LYN: variants seen among roughly 807,000 people sequenced by gnomAD.
The protein encoded by LYN is LYN proto-oncogene, Src family tyrosine kinase, also known as tyrosine-protein kinase Lyn.
In LYN, 12 loss-of-function variants were observed where a neutral mutation model predicts 65.0. That is an observed-to-expected ratio of 0.18 (90% CI 0.12 to 0.30). The LOEUF (loss-of-function observed/expected upper bound fraction) is 0.30, where lower values mean the gene tolerates loss of function less well. Ranked by LOEUF, LYN falls within the 10% of genes least tolerant of loss-of-function variation. LYN has a pLI of 1.00. For synonymous variants in LYN, 222 were observed against 221.2 expected, an observed-to-expected ratio of 1.00 and a Z score of -0.03; for missense variants, 380 against 623.2, an observed-to-expected ratio of 0.61 and a Z score of 4.16.
At chr8:55,959,980 A>G (rs1444909483) in intron 8 of LYN, among the ~76,000 whole-genome samples, 1 of 152,220 alleles carries the variant, frequency 6.6e-6, no homozygotes, top group East Asian at 1.9e-4. Context: ...TAGAGTTAGA[A>G]AGTAGATGAC....
At chr8:55,957,892 G>A (rs1198336099) in intron 8 of LYN, among the ~76,000 whole-genome samples, 1 of 152,206 alleles carries the variant, frequency 6.6e-6, no homozygotes, top group Non-Finnish European at 1.5e-5. Context: ...AGGTTGCAGT[G>A]AGCTGAGATT....
At chr8:56,003,050 T>G (rs964012385) in intron 12 of LYN, among the ~76,000 whole-genome samples, 2 of 150,874 alleles carry the variant, frequency 1.3e-5, no homozygotes, top group Non-Finnish European at 2.9e-5. Flanking sequence ...GCTGGCTATG[T>G]TTTTGTTTTT....
chr8:55,942,367 GTGTATATATATGTGTATATATATA>G lies in LYN; in HGVS notation c.132+380_132+403del, dbSNP rs1806643326. On this transcript the variant is annotated intron_variant, in intron 2 of 12. Coordinates refer to ENST00000519728, the MANE Select transcript of LYN (RefSeq NM_002350.4). ...TGTGTATATATATGTGTATATATAT[GTGTATATATATGTGTATATATATA>G]TGTGTATATATGTGTATATATATGT... Among the ~76,000 whole-genome samples the G allele has an allele frequency of 2.2e-5, 3 of 139,426 alleles. No homozygotes were observed. The Admixed American group carries it at 2.2e-4, about 10-fold the overall frequency. 91.5% of individuals were successfully genotyped at this position (139,426 alleles called of 152,430 possible). A position where few individuals can be genotyped will look rare whatever the true frequency, so the allele number is the denominator to read the frequency against.
chr8:55,940,918 C>T (rs902960268), intron 1 of LYN, among the ~76,000 whole-genome samples: 6 of 152,126 alleles, frequency 3.9e-5, no homozygotes, highest in African/African-American at 9.7e-5. Context: ...GCATGGCTTG[C>T]GGAGACCGTC....
At chr8:55,984,248 G>T (rs1301084160) in intron 10 of LYN, among the ~76,000 whole-genome samples, 1 of 152,070 alleles carries the variant, frequency 6.6e-6, no homozygotes, top group Non-Finnish European at 1.5e-5. Flanking sequence ...GTTTTGGGGG[G>T]ACATTAGTTA....
chr8:55,942,419 GTATA>G (rs201314597), intron 2 of LYN, among the ~76,000 whole-genome samples: 6 of 131,162 alleles, frequency 4.6e-5, no homozygotes, highest in Non-Finnish European at 6.5e-5. Flanking sequence ...ATATATGTGT[GTATA>G]TATATATATG....
intron 12 of LYN, among the ~76,000 whole-genome samples, chr8:56,002,372 T>A (rs1376367392): frequency 6.6e-6 from 1 of 151,334 alleles, no homozygotes; most frequent in Middle Eastern, 3.4e-3. Context: ...TGAGCTGAGA[T>A]CGCGCCACTG....
intron 7 of LYN, among the ~76,000 whole-genome samples, chr8:55,952,403 A>G (rs1203513561): frequency 6.6e-6 from 1 of 151,994 alleles, no homozygotes; most frequent in Non-Finnish European, 1.5e-5. Flanking sequence ...TACTAGAAAA[A>G]AAAAAAATTA....
chr8:55,952,844 A>G (rs904746668), intron 7 of LYN, among the ~76,000 whole-genome samples: 5 of 152,178 alleles, frequency 3.3e-5, no homozygotes, highest in African/African-American at 1.2e-4. Flanking sequence ...ATATAACACT[A>G]CCACTGAAAT....
intron 8 of LYN, among the ~76,000 whole-genome samples, chr8:55,955,687 G>A (rs989090988): frequency 6.6e-6 from 1 of 151,942 alleles, no homozygotes; most frequent in African/African-American, 2.4e-5. Context: ...CTCTTCATTC[G>A]CCCCACCCTC....
At position 55,922,755 on chromosome 8, in the gene LYN, G is replaced by A. The variant is rs538923723; in HGVS notation, c.-5-19100G>A. Among the ~76,000 whole-genome samples the A allele has an allele frequency of 7.3e-3, 1,068 of 147,134 alleles. 17 individuals carry two copies. The highest frequency in any genetic ancestry group is 0.072 in the Middle Eastern group (21 of 292). ...GCACTCCAGCCTGGGCAAAAAGAGCGAAATTCCATCAAAAAAAAAAAAGAA... is the reference window on the plus strand; with the variant it reads ...GCACTCCAGCCTGGGCAAAAAGAGCAAAATTCCATCAAAAAAAAAAAAGAA... On this transcript the variant is annotated intron_variant, in intron 1 of 12. Transcript: ENST00000519728.
At position 56,009,772 on chromosome 8, in the gene LYN, C is replaced by T. The variant is rs866503599; in HGVS notation, c.1337-136C>T. ...AATTTTGGGAGGATGCTGTTCAACC[C>T]CTAACAGCCTCAGTAAAGCTTGTTT... On this transcript the variant is annotated intron_variant, in intron 12 of 12. Transcript: ENST00000519728. 1.3e-5 allele frequency: 9 copies of T among 697,182 alleles called. No individual in the cohort carries two copies. In the South Asian group the frequency reaches 1.7e-4, roughly 13 times the overall value. 43.2% of individuals were successfully genotyped at this position (697,182 alleles called of 1,614,324 possible).
intron 2 of LYN, among the ~76,000 whole-genome samples, chr8:55,943,389 A>G (rs1806683675): frequency 6.6e-6 from 1 of 152,058 alleles, no homozygotes; most frequent in Admixed American, 6.6e-5. Context: ...CAGCCTGGCC[A>G]ACATGGTGAA....
At chr8:55,942,160 AT>A (rs1302827151) in intron 2 of LYN, among the ~76,000 whole-genome samples, 169 bp downstream of exon 2, 3 of 152,106 alleles carry the variant, frequency 2.0e-5, no homozygotes, top group African/African-American at 7.2e-5. Context: ...ATGTATAAAT[AT>A]TTTAGGGATA....
At chr8:55,945,360 CA>C (rs1405380242) in intron 2 of LYN, among the ~76,000 whole-genome samples, 1 of 152,106 alleles carries the variant, frequency 6.6e-6, no homozygotes, top group African/African-American at 2.4e-5. Flanking sequence ...CCAAATTATG[CA>C]AATCTGAATG....
At chr8:55,975,141 T>C (rs1481789830) in intron 10 of LYN, among the ~76,000 whole-genome samples, 1 of 152,152 alleles carries the variant, frequency 6.6e-6, no homozygotes, top group Non-Finnish European at 1.5e-5. Flanking sequence ...GGCCACATAG[T>C]GGTCAGGATG....
At chr8:55,944,557 T>C (rs549774392) in intron 2 of LYN, among the ~76,000 whole-genome samples, 1 of 152,366 alleles carries the variant, frequency 6.6e-6, no homozygotes, top group East Asian at 1.9e-4. Context: ...CTCAGCTCAC[T>C]GCAACCTCCT....
At chr8:55,984,087 C>T (rs1328138080) in intron 10 of LYN, among the ~76,000 whole-genome samples, 1 of 152,156 alleles carries the variant, frequency 6.6e-6, no homozygotes, top group African/African-American at 2.4e-5. Context: ...GGCCTCTGAC[C>T]TTCCTCTGCC....
intron 12 of LYN, among the ~76,000 whole-genome samples, chr8:56,008,830 C>A (rs756847071): frequency 1.1e-4 from 16 of 152,174 alleles, no homozygotes; most frequent in Admixed American, 5.9e-4. Context: ...CAGTTAACTG[C>A]GTCTGTGAAG....
Sources: allele counts gnomAD v4.1 joint callset (sites outside exome capture counted in the v4.1 genomes callset), GRCh38; gene constraint gnomAD v4.1.1; transcripts MANE v1.5; gene names NCBI Gene and HGNC (gene_info 2026-07-23, HGNC 2026-07-21).